DLG2: variants seen among roughly 807,000 people sequenced by gnomAD.
The protein encoded by DLG2 is discs large MAGUK scaffold protein 2.
Under a neutral mutation model 132.5 loss-of-function variants are expected in DLG2, and 45 were observed. The ratio of observed to expected loss-of-function variants is 0.34; its 90% CI spans 0.27 to 0.44. The LOEUF is 0.44. Ranked by LOEUF, DLG2 falls within the 20% of genes least tolerant of loss-of-function variation. The probability of loss-of-function intolerance (pLI) is 1.00; values close to 1 mark genes in which losing one functional copy is unlikely to be tolerated. For missense variants in DLG2, 1,045 were observed against 1,196.9 expected, an observed-to-expected ratio of 0.87 and a Z score of 1.87; for synonymous variants, 424 against 419.6, an observed-to-expected ratio of 1.01 and a Z score of -0.13.
At chr11:85,446,638 A>G (rs575093734) in intron 3 of DLG2, among the ~76,000 whole-genome samples, 47 of 152,288 alleles carry the variant, frequency 3.1e-4, no homozygotes, top group African/African-American at 1.1e-3. Flanking sequence ...TTATAGGTTC[A>G]TTAAGGCTTA....
intron 6 of DLG2, among the ~76,000 whole-genome samples, chr11:85,082,735 C>CTTTTTTTTT (rs71036458): frequency 7.9e-5 from 9 of 113,392 alleles, no homozygotes; most frequent in Admixed American, 3.8e-4. Context: ...TCTTTTCTTT[C>CTTTTTTTTT]TTTTTTTTTT....
chr11:84,719,551 C>T (rs1046165413), intron 6 of DLG2, among the ~76,000 whole-genome samples: 5 of 152,120 alleles, frequency 3.3e-5, no homozygotes, highest in African/African-American at 7.2e-5. Context: ...TCAAGGAGTG[C>T]GTCGTCAGGT....
chr11:83,600,236 G>GGTGTGTGT (rs57674131), intron 19 of DLG2, among the ~76,000 whole-genome samples: 20,783 of 145,466 alleles, frequency 0.14, 1,918 homozygotes, highest in African/African-American at 0.26. Context: ...CTAGCTATAG[G>GGTGTGTGT]GTGTGTGTGT....
At chr11:84,563,097 C>T (rs940273094) in intron 6 of DLG2, among the ~76,000 whole-genome samples, 2 of 152,334 alleles carry the variant, frequency 1.3e-5, no homozygotes, top group African/African-American at 4.8e-5. Flanking sequence ...CTACTAAAAT[C>T]CATTCATATT....
chr11:84,844,135 G>GTGTGTGTGTGTGTGTATA (rs1227140689), intron 6 of DLG2, among the ~76,000 whole-genome samples: 1 of 43,694 alleles, frequency 2.3e-5, no homozygotes, highest in African/African-American at 8.9e-5. Flanking sequence ...GTGTGTGTGT[G>GTGTGTGTGTGTGTGTATA]TATATATATA....
At chr11:84,943,045 T>G (rs2049674626) in intron 6 of DLG2, among the ~76,000 whole-genome samples, 1 of 152,248 alleles carries the variant, frequency 6.6e-6, no homozygotes, top group Admixed American at 6.5e-5. Flanking sequence ...TGACTCCTGC[T>G]CTTTTTTGGT....
chr11:85,172,996 T>G (rs551680077), intron 4 of DLG2, among the ~76,000 whole-genome samples: 88 of 152,216 alleles, frequency 5.8e-4, no homozygotes, highest in African/African-American at 1.9e-3. Context: ...CTATGAATGA[T>G]TGGGGTACCT....
At chr11:84,596,813 G>A (rs1456989732) in intron 6 of DLG2, among the ~76,000 whole-genome samples, 4 of 152,074 alleles carry the variant, frequency 2.6e-5, no homozygotes, top group Non-Finnish European at 4.4e-5. Context: ...TTAATTGTAC[G>A]AAATATATCA....
chr11:84,362,224 C>A (rs185048507), intron 7 of DLG2, among the ~76,000 whole-genome samples: 2 of 151,908 alleles, frequency 1.3e-5, no homozygotes, highest in Non-Finnish European at 2.9e-5. Context: ...GTATTTCTCA[C>A]GCCCAGTTCA....
At chr11:85,096,251 G>A (rs1184525647) in intron 6 of DLG2, among the ~76,000 whole-genome samples, 1 of 152,194 alleles carries the variant, frequency 6.6e-6, no homozygotes, top group Non-Finnish European at 1.5e-5. Flanking sequence ...CTTCCAGGCT[G>A]TGGAAGCTTT....
chr11:84,513,276 T>A (rs2099262489), intron 7 of DLG2, among the ~76,000 whole-genome samples: 1 of 151,970 alleles, frequency 6.6e-6, no homozygotes, highest in Non-Finnish European at 1.5e-5. Flanking sequence ...ATCTACAAAT[T>A]CAGTGAAATT....
chr11:84,232,173 G>C (rs1045118630), intron 8 of DLG2, among the ~76,000 whole-genome samples: 1 of 152,166 alleles, frequency 6.6e-6, no homozygotes. Flanking sequence ...CCTTCTCCAA[G>C]AGATCTTTGC....
At chr11:83,689,728 G>A (rs191301893) in intron 18 of DLG2, among the ~76,000 whole-genome samples, 18 of 151,802 alleles carry the variant, frequency 1.2e-4, no homozygotes, top group African/African-American at 4.3e-4. Flanking sequence ...GTGTCATTGT[G>A]AATAAGAACA....
chr11:83,882,772 G>T (rs1250794250), intron 15 of DLG2, among the ~76,000 whole-genome samples: 5 of 152,170 alleles, frequency 3.3e-5, no homozygotes. Context: ...GATGTGCAGG[G>T]TAGGAAAAGT....
At chr11:85,087,904 G>T (rs2154174697) in intron 6 of DLG2, among the ~76,000 whole-genome samples, 1 of 147,906 alleles carries the variant, frequency 6.8e-6, no homozygotes, top group African/African-American at 2.5e-5. Context: ...ACTGTGTTAA[G>T]GAATTTAAAA....
chr11:84,245,631 T>C (rs1235072696), intron 8 of DLG2, among the ~76,000 whole-genome samples: 1 of 152,208 alleles, frequency 6.6e-6, no homozygotes, highest in Non-Finnish European at 1.5e-5. Context: ...GGCATTGTAC[T>C]GCCAGTACTT....
At chr11:83,861,110 T>C (rs2154049916) in intron 16 of DLG2, among the ~76,000 whole-genome samples, 1 of 152,266 alleles carries the variant, frequency 6.6e-6, no homozygotes, top group South Asian at 2.1e-4. Context: ...ATGAAATCGG[T>C]ATCAGGTATA....
In DLG2 at chr11:84,882,902, T is replaced by C. The variant is rs117749841; in HGVS notation, c.357+228759A>G. 6.3e-3 allele frequency among the ~76,000 whole-genome samples: 960 copies of C among 152,174 alleles called. 4 individuals carry two copies. The highest frequency in any genetic ancestry group is 0.011 in the Non-Finnish European group (714 of 67,974). On this transcript the variant is annotated intron_variant, in intron 6 of 27. Transcript: ENST00000376104. The stretch of plus-strand genomic sequence containing the variant: ...CTAAATCCACACTCCTAAGTGAGAA[T>C]TGTATACAGAATTTTCAATAGGAAT...
At chr11:84,402,881 CAAAAAAAA>C (rs34476380) in intron 7 of DLG2, among the ~76,000 whole-genome samples, 2 of 73,914 alleles carry the variant, frequency 2.7e-5, no homozygotes, top group East Asian at 3.0e-4. Flanking sequence ...AACTCCGTCT[CAAAAAAAA>C]AAAAAAAAAA....
Sources: allele counts gnomAD v4.1 joint callset (sites outside exome capture counted in the v4.1 genomes callset), GRCh38; gene constraint gnomAD v4.1.1; transcripts MANE v1.5; gene names NCBI Gene and HGNC (gene_info 2026-07-23, HGNC 2026-07-21).